The following MAGI1 variants were observed in gnomAD, a reference collection of about 807,000 sequenced individuals.
MAGI1 encodes the protein membrane-associated guanylate kinase, WW and PDZ domain-containing protein 1.
MAGI1 carries 58 observed loss-of-function variants against 139.9 expected under a neutral mutation model. The observed-to-expected ratio is 0.41, with a 90% CI of 0.34 to 0.52. The LOEUF is 0.52. MAGI1 is among the 20% of genes least tolerant of loss of function. MAGI1 has a pLI of 0.12. For synonymous variants in MAGI1, 812 were observed against 737.9 expected (o/e 1.10, Z -1.63); for missense variants, 1,874 against 1,901.6 (o/e 0.99, Z 0.27).
At chr3:65,534,055 A>AACT (rs1436052238) in intron 2 of MAGI1, among the ~76,000 whole-genome samples, 1 of 152,210 alleles carries the variant, frequency 6.6e-6, no homozygotes, top group Non-Finnish European at 1.5e-5. Context: ...AACTACCCAG[A>AACT]ACTACCTAAG....
At chr3:66,021,429 G>A (rs1176499641) in intron 1 of MAGI1, among the ~76,000 whole-genome samples, 3 of 152,138 alleles carry the variant, frequency 2.0e-5, no homozygotes, top group Non-Finnish European at 4.4e-5. Flanking sequence ...CACACACCTA[G>A]CATTTGCCCC....
At chr3:65,821,424 G>A (rs1360719836) in intron 1 of MAGI1, among the ~76,000 whole-genome samples, 2 of 152,136 alleles carry the variant, frequency 1.3e-5, no homozygotes, top group Non-Finnish European at 1.5e-5. Flanking sequence ...TCTGCTGCAT[G>A]CCTGGCATGC....
chr3:65,509,664 A>G (rs1008161811), intron 2 of MAGI1, among the ~76,000 whole-genome samples: 6 of 152,146 alleles, frequency 3.9e-5, no homozygotes, highest in Non-Finnish European at 7.4e-5. Flanking sequence ...CGCCCACGGA[A>G]TCTCGCTGAT....
intron 1 of MAGI1, among the ~76,000 whole-genome samples, chr3:65,817,932 A>C (rs1230424454): frequency 6.6e-6 from 1 of 152,224 alleles, no homozygotes; most frequent in Non-Finnish European, 1.5e-5. Flanking sequence ...TAAAACAGTC[A>C]ATTCCAAAGC....
intron 2 of MAGI1, among the ~76,000 whole-genome samples, chr3:65,571,862 T>C (rs1451508569): frequency 6.6e-6 from 1 of 152,108 alleles, no homozygotes; most frequent in East Asian, 1.9e-4. Flanking sequence ...AAGACAGTAC[T>C]GATCATTTGA....
chr3:65,424,477 A>T (rs1332401655), intron 12 of MAGI1, among the ~76,000 whole-genome samples: 1 of 152,256 alleles, frequency 6.6e-6, no homozygotes, highest in South Asian at 2.1e-4. Context: ...CAGACCCTGA[A>T]ATTATTTAGC....
At chr3:65,456,977 G>C (rs900200047) in intron 5 of MAGI1, among the ~76,000 whole-genome samples, 9 of 151,892 alleles carry the variant, frequency 5.9e-5, no homozygotes, top group African/African-American at 2.2e-4. Context: ...ATATCAAGCA[G>C]ACTAATTACT....
intron 1 of MAGI1, among the ~76,000 whole-genome samples, chr3:65,851,329 T>C (rs1474076049): frequency 6.6e-6 from 1 of 152,196 alleles, no homozygotes; most frequent in Non-Finnish European, 1.5e-5. Flanking sequence ...GTGACTATTA[T>C]CTTGCAGATC....
intron 1 of MAGI1, among the ~76,000 whole-genome samples, chr3:65,632,946 T>A (rs1559739054): frequency 6.6e-6 from 1 of 152,190 alleles, no homozygotes; most frequent in African/African-American, 2.4e-5. Flanking sequence ...CAAAGTATGG[T>A]CCCATGAGAC....
chr3:65,826,224 G>C (rs143114980), intron 1 of MAGI1, among the ~76,000 whole-genome samples: 5 of 151,970 alleles, frequency 3.3e-5, no homozygotes, highest in African/African-American at 1.2e-4. Context: ...TCTGAATTTT[G>C]CAAAGTTTTT....
At chr3:65,783,144 G>C (rs1420536484) in intron 1 of MAGI1, among the ~76,000 whole-genome samples, 2 of 151,402 alleles carry the variant, frequency 1.3e-5, no homozygotes. Flanking sequence ...TAAGTGTCCA[G>C]TGTGCAGAAT....
chr3:65,484,111 T>C (rs1438249114), intron 3 of MAGI1, among the ~76,000 whole-genome samples: 1 of 152,242 alleles, frequency 6.6e-6, no homozygotes, highest in Non-Finnish European at 1.5e-5. Context: ...ACATCAGTTT[T>C]GTCAAGCTTC....
intron 1 of MAGI1, among the ~76,000 whole-genome samples, chr3:65,651,660 G>A (rs953881261): frequency 6.6e-6 from 1 of 152,138 alleles, no homozygotes. Flanking sequence ...TTTTCTCACT[G>A]CAGACAGACA....
At chr3:65,936,972 A>ATGGTGGTGG (rs1322277346) in intron 1 of MAGI1, among the ~76,000 whole-genome samples, 1 of 149,824 alleles carries the variant, frequency 6.7e-6, no homozygotes. Flanking sequence ...GGTGGTGGTG[A>ATGGTGGTGG]TGGTGGTGGT....
intron 1 of MAGI1, among the ~76,000 whole-genome samples, chr3:66,022,705 GTC>G (rs1241646267): frequency 1.3e-5 from 2 of 152,266 alleles, no homozygotes; most frequent in East Asian, 1.9e-4. Context: ...GAATCTCATT[GTC>G]TCTGTTACCT....
At chr3:65,882,722 C>A (rs1443084626) in intron 1 of MAGI1, among the ~76,000 whole-genome samples, 1 of 152,074 alleles carries the variant, frequency 6.6e-6, no homozygotes, top group African/African-American at 2.4e-5. Context: ...GGCTTGAGCT[C>A]AGGTGATCAA....
intron 1 of MAGI1, among the ~76,000 whole-genome samples, chr3:65,993,001 A>G (rs1342824916): frequency 6.6e-6 from 1 of 151,538 alleles, no homozygotes; most frequent in African/African-American, 2.4e-5. Flanking sequence ...TGTTTTTTTT[A>G]ATTATTTTTA....
At chr3:65,604,251 T>C (rs960501758) in intron 2 of MAGI1, among the ~76,000 whole-genome samples, 2 of 151,874 alleles carry the variant, frequency 1.3e-5, no homozygotes, top group Admixed American at 1.3e-4. Context: ...AAGAAGACAC[T>C]AATAAAAATG....
intron 1 of MAGI1, among the ~76,000 whole-genome samples, chr3:65,881,696 A>G (rs1206831297): frequency 6.6e-6 from 1 of 152,214 alleles, no homozygotes; most frequent in Non-Finnish European, 1.5e-5. Flanking sequence ...AGCTCATCAA[A>G]TGATTTTTAT....
Sources: gnomAD v4.1 joint callset for allele counts (sites outside exome capture counted in the v4.1 genomes callset) on GRCh38, gnomAD v4.1.1 for gene constraint, MANE v1.5 for transcripts, NCBI Gene and HGNC (gene_info 2026-07-23, HGNC 2026-07-21) for gene names.